GNAI1: variants seen among roughly 807,000 people sequenced by gnomAD.
The protein encoded by GNAI1 is G protein subunit alpha i1.
In GNAI1, 11 loss-of-function variants were observed where a neutral mutation model predicts 38.9. The observed-to-expected ratio is 0.28, with a 90% CI of 0.18 to 0.47. The LOEUF is 0.47. GNAI1 is among the 20% of genes least tolerant of loss of function. The pLI, the probability that GNAI1 is intolerant of heterozygous loss-of-function variation, is 0.99. For missense variants in GNAI1, 317 were observed against 436.9 expected (o/e 0.73, Z 2.45); for synonymous variants, 166 against 145.1 (o/e 1.14, Z -1.04).
chr7:80,212,917 T>G, intron 7 of GNAI1, 48 bp downstream of exon 7: 1 of 1,262,556 alleles, frequency 7.9e-7, no homozygotes. Context: ...TATTTCTAAG[T>G]GAAACTTCCC....
intron 3 of GNAI1, among the ~76,000 whole-genome samples, chr7:80,195,971 C>T (rs1788562435): frequency 6.6e-6 from 1 of 151,948 alleles, no homozygotes; most frequent in South Asian, 2.1e-4. Flanking sequence ...AGATGACAGC[C>T]ATCATGCTCC....
At chr7:80,160,182 TA>T (rs1787897237) in intron 1 of GNAI1, among the ~76,000 whole-genome samples, 1 of 146,576 alleles carries the variant, frequency 6.8e-6, no homozygotes, top group East Asian at 2.0e-4. Flanking sequence ...GCCTCTCCTC[TA>T]AGTTAGGTTA....
At chr7:80,202,268 T>C (rs1788701220) in intron 4 of GNAI1, among the ~76,000 whole-genome samples, 1 of 152,164 alleles carries the variant, frequency 6.6e-6, no homozygotes, top group South Asian at 2.1e-4. Context: ...TTTTGCATTT[T>C]TAGTAGAGAC....
chr7:80,199,185 G>A (rs369488673), intron 3 of GNAI1, 40 bp from the exon 4 acceptor site: 74 of 1,427,856 alleles, frequency 5.2e-5, no homozygotes, highest in African/African-American at 5.0e-4. Context: ...TATCTCTGAC[G>A]TATCCCTTTT....
chr7:80,205,029 A>C (rs192349993), intron 5 of GNAI1, among the ~76,000 whole-genome samples: 1 of 152,262 alleles, frequency 6.6e-6, no homozygotes, highest in Non-Finnish European at 1.5e-5. Context: ...CTAGTTTCTT[A>C]TAATTCACAT....
intron 1 of GNAI1, among the ~76,000 whole-genome samples, chr7:80,145,671 A>G (rs939077447): frequency 3.9e-5 from 6 of 152,054 alleles, no homozygotes; most frequent in Non-Finnish European, 7.4e-5. Context: ...ATTATATTGT[A>G]CCTATTTCAT....
At chr7:80,180,832 T>C (rs1788281664) in intron 1 of GNAI1, among the ~76,000 whole-genome samples, 1 of 152,192 alleles carries the variant, frequency 6.6e-6, no homozygotes, top group South Asian at 2.1e-4. Flanking sequence ...TTCTCCTGAC[T>C]GGGCTTCATG....
chr7:80,145,221 A>G (rs1436116161), intron 1 of GNAI1, among the ~76,000 whole-genome samples: 3 of 152,190 alleles, frequency 2.0e-5, no homozygotes, highest in African/African-American at 7.2e-5. Flanking sequence ...AAAAATAGGC[A>G]GTGTTCATAT....
intron 1 of GNAI1, among the ~76,000 whole-genome samples, chr7:80,183,364 A>G (rs1269098182): frequency 6.6e-6 from 1 of 152,186 alleles, no homozygotes; most frequent in African/African-American, 2.4e-5. Context: ...ATAAAGAGAA[A>G]GGATTTTAAA....
At chr7:80,169,464 A>G (rs1447081921) in intron 1 of GNAI1, among the ~76,000 whole-genome samples, 2 of 152,190 alleles carry the variant, frequency 1.3e-5, no homozygotes, top group Admixed American at 6.5e-5. Context: ...CTTTCAGCAA[A>G]TTGTGTATTC....
intron 1 of GNAI1, among the ~76,000 whole-genome samples, chr7:80,140,062 C>A (rs1368701301): frequency 1.3e-5 from 2 of 151,068 alleles, no homozygotes; most frequent in Non-Finnish European, 2.9e-5. Context: ...CCGCTCACTG[C>A]AAGCTCCGCC....
At chr7:80,149,155 T>C (rs1210545836) in intron 1 of GNAI1, among the ~76,000 whole-genome samples, 1 of 152,160 alleles carries the variant, frequency 6.6e-6, no homozygotes, top group East Asian at 1.9e-4. Flanking sequence ...AATGTAACTT[T>C]ACACTTATTC....
chr7:80,169,872 G>A (rs766382570), intron 1 of GNAI1, among the ~76,000 whole-genome samples: 5 of 152,004 alleles, frequency 3.3e-5, no homozygotes, highest in Non-Finnish European at 5.9e-5. Context: ...ACTGGTCTAC[G>A]TTCTGTCTCT....
chr7:80,191,533 G>A (rs11980854), intron 3 of GNAI1, among the ~76,000 whole-genome samples: 89 of 151,982 alleles, frequency 5.9e-4, no homozygotes, highest in African/African-American at 2.0e-3. Flanking sequence ...CTGGAACCAC[G>A]GATGTATGCC....
In GNAI1 at chr7:80,142,663, T is replaced by C. The variant is rs999882467; in HGVS notation, c.118+7385T>C. ...GTTGAACATTAATTTTGACTAGTTT[T>C]CTTTTAAAGGGAAAAATTGGTACAT... On this transcript the variant is annotated intron_variant, in intron 1 of 7. Transcript: ENST00000649796. Among the ~76,000 whole-genome samples the C allele has an allele frequency of 1.1e-4, 17 of 152,378 alleles. 1 individual carries two copies. The highest frequency in any genetic ancestry group is 1.0e-3 in the Admixed American group (16 of 15,304).
chr7:80,161,474 T>A (rs1261366754), intron 1 of GNAI1, among the ~76,000 whole-genome samples: 1 of 152,218 alleles, frequency 6.6e-6, no homozygotes, highest in African/African-American at 2.4e-5. Flanking sequence ...GAATGAGTTT[T>A]AAAAATGTCA....
Position 80,134,980 on chromosome 7 carries a change from G to A in GNAI1, c.-181G>A. The A allele has an allele frequency of 2.5e-6, 1 of 407,566 alleles. No individual in the cohort carries two copies. Among genetic ancestry groups the A allele is most frequent in the Non-Finnish European group, 4.3e-6 (1 of 231,312 alleles). The allele number at this position is 407,566 out of a possible 1,614,324, so 25.2% of individuals were successfully genotyped here. On this transcript the variant is annotated 5_prime_UTR_variant, in exon 1 of 8. Coordinates refer to ENST00000649796, the MANE Select transcript of GNAI1 (RefSeq NM_002069.6). Reference sequence around the variant, plus strand: ...GCCTGGTCGTGAGGAACAGCCGCCCGTTGCTGTCTGCCCCTTTGCGGACAG... The same window carrying A: ...GCCTGGTCGTGAGGAACAGCCGCCCATTGCTGTCTGCCCCTTTGCGGACAG...
intron 1 of GNAI1, among the ~76,000 whole-genome samples, chr7:80,173,354 A>G (rs866370484): frequency 9.9e-5 from 15 of 152,206 alleles, no homozygotes; most frequent in Non-Finnish European, 8.8e-5. Flanking sequence ...AATTTGGACT[A>G]TAGCTTAGAT....
chr7:80,207,667 T>C (rs1048514393), intron 5 of GNAI1, among the ~76,000 whole-genome samples: 2 of 151,896 alleles, frequency 1.3e-5, no homozygotes, highest in Non-Finnish European at 2.9e-5. Flanking sequence ...AGAATAATTC[T>C]ACTGGGAACT....
Sources: gnomAD v4.1 joint callset for allele counts (sites outside exome capture counted in the v4.1 genomes callset) on GRCh38, gnomAD v4.1.1 for gene constraint, MANE v1.5 for transcripts, NCBI Gene and HGNC (gene_info 2026-07-23, HGNC 2026-07-21) for gene names.